Variants in SOX5 observed in about 807,000 individuals in gnomAD.
SOX5 encodes the protein transcription factor SOX-5.
SOX5 carries 9 observed loss-of-function variants against 92.0 expected under a neutral mutation model. That is an observed-to-expected ratio of 0.10 (90% CI 0.06 to 0.17). SOX5 has a LOEUF of 0.17. Ranked by LOEUF, SOX5 falls within the 10% of genes least tolerant of loss-of-function variation. The probability of loss-of-function intolerance (pLI) is 1.00; values close to 1 mark genes in which losing one functional copy is unlikely to be tolerated. For synonymous variants in SOX5, 344 were observed against 336.3 expected, an observed-to-expected ratio of 1.02 and a Z score of -0.25; for missense variants, 642 against 944.5, an observed-to-expected ratio of 0.68 and a Z score of 4.20.
At position 23,899,484 on chromosome 12, in the gene SOX5, T is replaced by G. The variant is rs553862647; in HGVS notation, c.39-3460A>C. On this transcript the variant is annotated intron_variant, in intron 1 of 14. Transcript: ENST00000451604. The stretch of plus-strand genomic sequence containing the variant: ...TTATATGACTTACACTAACTACATA[T>G]CTGTGTTGCAATTTGTAACAATGTG... Among the ~76,000 whole-genome samples, 3 of 152,090 alleles carry G rather than the reference T, an allele frequency of 2.0e-5. No individual in the cohort carries two copies. In the South Asian group the frequency reaches 6.2e-4, roughly 32 times the overall value.
chr12:23,952,039 A>T (rs1291571429), upstream of SOX5, among the ~76,000 whole-genome samples: 3 of 152,190 alleles, frequency 2.0e-5, no homozygotes, highest in African/African-American at 7.2e-5. Flanking sequence ...AATGGTTGTT[A>T]TGAGAATTAG....
intron 3 of SOX5, among the ~76,000 whole-genome samples, chr12:24,252,981 G>A (rs939895308): frequency 6.6e-6 from 1 of 152,088 alleles, no homozygotes; most frequent in African/African-American, 2.4e-5. Context: ...GCACAGTGAG[G>A]ATTACATTTT....
intron 2 of SOX5, among the ~76,000 whole-genome samples, chr12:24,282,896 A>G (rs1191286250): frequency 6.6e-6 from 1 of 152,182 alleles, no homozygotes; most frequent in Non-Finnish European, 1.5e-5. Flanking sequence ...ATTTCTTCTG[A>G]CCTGTGTAGA....
intron 1 of SOX5, among the ~76,000 whole-genome samples, chr12:24,388,141 T>C (rs771653869): frequency 3.9e-5 from 6 of 152,182 alleles, no homozygotes; most frequent in Non-Finnish European, 7.3e-5. Flanking sequence ...ATCTCAGATT[T>C]TGTCAGACCC....
chr12:24,415,849 T>C (rs1313097227), intron 1 of SOX5, among the ~76,000 whole-genome samples: 1 of 152,144 alleles, frequency 6.6e-6, no homozygotes, highest in South Asian at 2.1e-4. Context: ...TCTAACTACA[T>C]CAAAGTTGGA....
intron 6 of SOX5, among the ~76,000 whole-genome samples, chr12:23,689,207 A>G (rs2088262534): frequency 6.6e-6 from 1 of 152,122 alleles, no homozygotes; most frequent in African/African-American, 2.4e-5. Context: ...TGGCTACAGC[A>G]TTATCCTACG....
At chr12:24,096,110 A>C (rs1038514814) in intron 4 of SOX5, among the ~76,000 whole-genome samples, 2 of 152,152 alleles carry the variant, frequency 1.3e-5, no homozygotes, top group African/African-American at 4.8e-5. Context: ...TCATCATGGA[A>C]AAAATTTTTA....
chr12:23,730,294 A>G (rs1393263858), intron 6 of SOX5, among the ~76,000 whole-genome samples: 2 of 152,234 alleles, frequency 1.3e-5, no homozygotes, highest in Non-Finnish European at 2.9e-5. Context: ...ATCTATTAAT[A>G]TGCATTAAAG....
chr12:24,483,422 C>T (rs1054250582), intron 1 of SOX5, among the ~76,000 whole-genome samples: 14 of 152,166 alleles, frequency 9.2e-5, no homozygotes, highest in African/African-American at 3.4e-4. Flanking sequence ...CCCTTTAATT[C>T]ACTTATGTAA....
At position 24,150,117 on chromosome 12, in the gene SOX5, C is replaced by T. The variant is rs554957448; in HGVS notation, c.-2+63226G>A. On this transcript the variant is annotated intron_variant, in intron 4 of 4. Transcript: ENST00000446891. ...TCAATACTTACCAAATTGTATACTTCGAATATGTGCAGTTCATTATCAGTT... is the reference window on the plus strand; with the variant it reads ...TCAATACTTACCAAATTGTATACTTTGAATATGTGCAGTTCATTATCAGTT... 1.3e-5 allele frequency among the ~76,000 whole-genome samples: 2 copies of T among 152,140 alleles called. 1 individual carries two copies. Among genetic ancestry groups the T allele is most frequent in the African/African-American group, 4.8e-5 (2 of 41,516 alleles).
intron 8 of SOX5, among the ~76,000 whole-genome samples, chr12:23,627,702 T>C (rs1040905408): frequency 6.6e-6 from 1 of 152,118 alleles, no homozygotes; most frequent in Non-Finnish European, 1.5e-5. Context: ...CAAAGATACA[T>C]GCAAATAAGG....
chr12:23,838,045 AATAT>A (rs1381183704), intron 3 of SOX5, among the ~76,000 whole-genome samples: 6 of 109,770 alleles, frequency 5.5e-5, no homozygotes, highest in East Asian at 4.5e-4. Flanking sequence ...ATTTTTATAT[AATAT>A]ATATTTATAC....
intron 4 of SOX5, among the ~76,000 whole-genome samples, chr12:23,749,956 C>T (rs1372169385): frequency 6.6e-6 from 1 of 151,272 alleles, no homozygotes; most frequent in African/African-American, 2.4e-5. Context: ...GGGAAAAATA[C>T]AAAACTGAGT....
intron 9 of SOX5, among the ~76,000 whole-genome samples, chr12:23,585,843 T>G (rs1339400960): frequency 6.6e-6 from 1 of 152,116 alleles, no homozygotes; most frequent in African/African-American, 2.4e-5. Flanking sequence ...GGATATCTCC[T>G]CTCTTCTCTT....
intron 1 of SOX5, among the ~76,000 whole-genome samples, chr12:23,928,575 C>T (rs1270751918): frequency 6.6e-6 from 1 of 151,526 alleles, no homozygotes; most frequent in East Asian, 1.9e-4. Flanking sequence ...TATTTTTAAA[C>T]AATAAAGTAA....
At chr12:24,282,284 C>A (rs1323560478) in intron 2 of SOX5, among the ~76,000 whole-genome samples, 2 of 151,904 alleles carry the variant, frequency 1.3e-5, no homozygotes, top group African/African-American at 2.4e-5. Context: ...GTGCAGCACA[C>A]CAACATGGAA....
At chr12:23,867,827 A>C (rs1234413406) in intron 2 of SOX5, among the ~76,000 whole-genome samples, 2 of 151,850 alleles carry the variant, frequency 1.3e-5, no homozygotes, top group Non-Finnish European at 2.9e-5. Flanking sequence ...ATAGTAAAAA[A>C]AAAAACAAAA....
intron 6 of SOX5, among the ~76,000 whole-genome samples, chr12:23,707,166 T>TG (rs2091488195): frequency 6.6e-6 from 1 of 152,154 alleles, no homozygotes; most frequent in African/African-American, 2.4e-5. Flanking sequence ...ATGGCTGTAG[T>TG]CACCTTGCAT....
At chr12:24,518,666 T>C (rs187205840) in intron 1 of SOX5, among the ~76,000 whole-genome samples, 79 of 152,202 alleles carry the variant, frequency 5.2e-4, no homozygotes, top group Admixed American at 1.2e-3. Context: ...CTCTGTAAAA[T>C]AGGTAAGAGA....
Sources: allele counts gnomAD v4.1 joint callset (sites outside exome capture counted in the v4.1 genomes callset), GRCh38; gene constraint gnomAD v4.1.1; transcripts MANE v1.5; gene names NCBI Gene and HGNC (gene_info 2026-07-23, HGNC 2026-07-21).